The following BMPER variants were observed in gnomAD, a reference collection of about 807,000 sequenced individuals.
BMPER encodes the protein BMP-binding endothelial regulator protein.
BMPER carries 45 observed loss-of-function variants against 87.3 expected under a neutral mutation model. The observed-to-expected ratio is 0.52, with a 90% CI of 0.41 to 0.66. The LOEUF is 0.66. Ranked by LOEUF, BMPER falls within the 30% of genes least tolerant of loss-of-function variation. The pLI, the probability that BMPER is intolerant of heterozygous loss-of-function variation, is 0.00. For synonymous variants in BMPER, 326 were observed against 316.2 expected (o/e 1.03, Z -0.33); for missense variants, 784 against 867.5 (o/e 0.90, Z 1.21).
intron 13 of BMPER, among the ~76,000 whole-genome samples, chr7:34,108,610 G>A (rs1318835139): frequency 6.6e-6 from 1 of 152,188 alleles, no homozygotes; most frequent in Non-Finnish European, 1.5e-5. Context: ...GTGTATCCCT[G>A]TAAACTTTAG....
At chr7:34,024,655 C>G (rs1787309718) in intron 6 of BMPER, among the ~76,000 whole-genome samples, 1 of 151,302 alleles carries the variant, frequency 6.6e-6, no homozygotes, top group Non-Finnish European at 1.5e-5. Context: ...TAGATATGAT[C>G]TATAGACTTC....
intron 6 of BMPER, among the ~76,000 whole-genome samples, chr7:34,036,961 C>T (rs1787690858): frequency 6.6e-6 from 1 of 152,116 alleles, no homozygotes. Context: ...GAGCTAAGAT[C>T]AAGGACTCCA....
chr7:34,045,442 G>T (rs1390866955), intron 6 of BMPER, among the ~76,000 whole-genome samples: 2 of 152,154 alleles, frequency 1.3e-5, no homozygotes, highest in South Asian at 4.1e-4. Context: ...AGGCAGGGAA[G>T]AGGGGATGCT....
chr7:34,086,480 C>T (rs1186307558), intron 13 of BMPER, among the ~76,000 whole-genome samples: 2 of 152,194 alleles, frequency 1.3e-5, no homozygotes, highest in East Asian at 1.9e-4. Flanking sequence ...TCTCAAGTCA[C>T]TTGGCTGCCT....
At chr7:34,064,636 G>A (rs950106285) in intron 11 of BMPER, among the ~76,000 whole-genome samples, 6 of 152,224 alleles carry the variant, frequency 3.9e-5, no homozygotes, top group African/African-American at 1.2e-4. Flanking sequence ...GAGGGGCACT[G>A]GGAGGACAGT....
chr7:34,018,631 A>G (rs117532717), intron 6 of BMPER, among the ~76,000 whole-genome samples: 603 of 151,858 alleles, frequency 4.0e-3, no homozygotes, highest in Non-Finnish European at 7.0e-3. Flanking sequence ...GAATGCTTCG[A>G]GTTTCTGATC....
intron 3 of BMPER, among the ~76,000 whole-genome samples, chr7:33,956,860 T>C (rs1391057848): frequency 6.6e-6 from 1 of 152,174 alleles, no homozygotes; most frequent in Non-Finnish European, 1.5e-5. Context: ...GGCTATTAGG[T>C]ATGTTTTTGG....
chr7:33,956,669 C>G (rs778717472), intron 3 of BMPER, among the ~76,000 whole-genome samples: 1 of 152,122 alleles, frequency 6.6e-6, no homozygotes, highest in African/African-American at 2.4e-5. Context: ...AGGATGAAGA[C>G]GTGTGTGATT....
Position 34,061,989 on chromosome 7 carries a change from T to C in BMPER, c.1033-13T>C. 1.2e-6 allele frequency: 2 copies of C among 1,604,968 alleles called. No individual in the cohort carries two copies. The highest frequency in any genetic ancestry group is 1.7e-6 in the Non-Finnish European group (2 of 1,174,846). ...TTAAACAGTAACTTTGTATTTGTTT[T>C]TCTTCTGATTAGGGCAAAATTCTCA... is the stretch of plus-strand genomic sequence containing the variant. On this transcript the variant is annotated splice_polypyrimidine_tract_variant and intron_variant, in intron 10 of 14. Coordinates refer to ENST00000649409, the MANE Select transcript of BMPER (RefSeq NM_001365308.1).
intron 6 of BMPER, among the ~76,000 whole-genome samples, chr7:34,005,542 G>C (rs1218812545): frequency 6.6e-6 from 1 of 151,762 alleles, no homozygotes; most frequent in Middle Eastern, 3.4e-3. Flanking sequence ...TGAACTTCTG[G>C]GCTCAGGCAA....
intron 13 of BMPER, among the ~76,000 whole-genome samples, chr7:34,121,788 A>G (rs188780241): frequency 5.3e-5 from 8 of 152,296 alleles, no homozygotes; most frequent in Admixed American, 4.6e-4. Context: ...TGTGCCCAGT[A>G]TAGTACCTCA....
intron 6 of BMPER, among the ~76,000 whole-genome samples, chr7:34,042,122 A>G (rs906837029): frequency 6.6e-6 from 1 of 152,200 alleles, no homozygotes; most frequent in Non-Finnish European, 1.5e-5. Flanking sequence ...GTAAACTTTT[A>G]CATAAAGCAA....
intron 8 of BMPER, among the ~76,000 whole-genome samples, chr7:34,053,621 A>G (rs1788202280): frequency 6.6e-6 from 1 of 152,244 alleles, no homozygotes; most frequent in Non-Finnish European, 1.5e-5. Context: ...AGAAAAGAAA[A>G]TGTTATTTAA....
At chr7:34,137,448 T>G (rs1026129112) in intron 13 of BMPER, among the ~76,000 whole-genome samples, 1 of 152,382 alleles carries the variant, frequency 6.6e-6, no homozygotes, top group Non-Finnish European at 1.5e-5. Context: ...TTTCACTCTT[T>G]GAATGATTCA....
chr7:34,134,749 A>T (rs539244618), intron 13 of BMPER, among the ~76,000 whole-genome samples: 2 of 152,342 alleles, frequency 1.3e-5, no homozygotes, highest in South Asian at 4.1e-4. Flanking sequence ...TATACTCTTC[A>T]CATATGGTCT....
chr7:34,051,963 C>T lies in BMPER; in HGVS notation c.779C>T (p.Thr260Ile), dbSNP rs1788156254. 6.2e-7 allele frequency: 1 copy of T among 1,612,256 alleles called. No individual in the cohort carries two copies. The highest frequency in any genetic ancestry group is 1.3e-5 in the African/African-American group (1 of 74,872). Reference protein sequence around the residue: ...SFLYDNCTACTCRDSTVVCKR... With the variant: ...SFLYDNCTACICRDSTVVCKR... ...CTGTACGATAACTGCACAGCTTGTACCTGCAGGGTAAGGCAGCTCTGAGAG... is the reference window on the plus strand; with the variant it reads ...CTGTACGATAACTGCACAGCTTGTATCTGCAGGGTAAGGCAGCTCTGAGAG... The change falls in exon 8 of 15, where the codon ACC (threonine) becomes ATC (isoleucine). Residue 260 changes from threonine (T) to isoleucine (I), a missense_variant. Coordinates refer to ENST00000649409, the MANE Select transcript of BMPER (RefSeq NM_001365308.1).
intron 14 of BMPER, among the ~76,000 whole-genome samples, chr7:34,143,821 G>A (rs180982759): frequency 9.2e-4 from 140 of 152,182 alleles, no homozygotes; most frequent in African/African-American, 3.0e-3. Flanking sequence ...AATAGTTGTC[G>A]CCTCAGGCAA....
chr7:34,007,913 C>T (rs1786777928), intron 6 of BMPER, among the ~76,000 whole-genome samples: 1 of 151,840 alleles, frequency 6.6e-6, no homozygotes. Context: ...TGATATTCAC[C>T]TCCATTGAGA....
Position 34,125,190 on chromosome 7 carries a change from C to T in BMPER, c.1746-18040C>T, listed in dbSNP as rs571274417. The stretch of plus-strand genomic sequence containing the variant: ...CTTCCCACACATGTTCAACTACTTA[C>T]GCCATATAAAATTATTATAATTCTC... On this transcript the variant is annotated intron_variant, in intron 13 of 14. Coordinates refer to ENST00000649409, the MANE Select transcript of BMPER (RefSeq NM_001365308.1). Among the ~76,000 whole-genome samples the T allele has an allele frequency of 2.7e-4, 41 of 152,262 alleles. No individual in the cohort carries two copies. The South Asian group carries it at 4.1e-3, about 15-fold the overall frequency.
Sources: gnomAD v4.1 joint callset for allele counts (sites outside exome capture counted in the v4.1 genomes callset) on GRCh38, gnomAD v4.1.1 for gene constraint, MANE v1.5 for transcripts, NCBI Gene and HGNC (gene_info 2026-07-23, HGNC 2026-07-21) for gene names.